Variants in KIF27 observed in about 807,000 individuals in gnomAD.
KIF27 encodes the protein kinesin-like protein KIF27.
A neutral mutation model predicts 141.8 loss-of-function variants in KIF27; 84 were observed. The observed-to-expected ratio is 0.59, with a 90% CI of 0.50 to 0.71. The LOEUF (loss-of-function observed/expected upper bound fraction) is 0.71, where lower values mean the gene tolerates loss of function less well. Among genes scored for constraint, KIF27 ranks in the 30% least tolerant of loss-of-function variants. The pLI is 0.00. For synonymous variants in KIF27, 471 were observed against 569.5 expected (o/e 0.83, Z 2.46); for missense variants, 1,306 against 1,628.4 (o/e 0.80, Z 3.41).
chr9:83,835,497 TAA>T lies in KIF27; in HGVS notation c.*1502_*1503del, dbSNP rs1945727498. ...TTTAAATAAATTTTAGTACCATGCT[TAA>T]GAGATATTTTCCTTTTTATAAGTTT... On this transcript the variant is annotated 3_prime_UTR_variant, in exon 18 of 18. Transcript: ENST00000297814. 1 of 152,108 alleles carries T rather than the reference TAA, an allele frequency of 6.6e-6. No individual in the cohort carries two copies. The highest frequency in any genetic ancestry group is 6.6e-5 in the Admixed American group (1 of 15,258). The allele number at this position is 152,108 out of a possible 1,614,324, so 9.4% of individuals were successfully genotyped here.
intron 12 of KIF27, among the ~76,000 whole-genome samples, chr9:83,870,094 T>C (rs1028966987): frequency 1.3e-5 from 2 of 152,146 alleles, no homozygotes; most frequent in African/African-American, 4.8e-5. Context: ...GCATCTAGTG[T>C]TTGAAGGTTT....
chr9:83,855,882 C>T (rs1052013092), intron 14 of KIF27, among the ~76,000 whole-genome samples: 2 of 152,274 alleles, frequency 1.3e-5, no homozygotes, highest in Non-Finnish European at 2.9e-5. Flanking sequence ...GGTTTTGGAT[C>T]TAAGTTAAGG....
chr9:83,866,842 C>G (rs1950394228), intron 13 of KIF27, among the ~76,000 whole-genome samples: 1 of 151,576 alleles, frequency 6.6e-6, no homozygotes, highest in African/African-American at 2.4e-5. Context: ...CGCCACTGCA[C>G]TCCAGTCTCA....
At chr9:83,909,554 C>T (rs1408400553) in intron 2 of KIF27, among the ~76,000 whole-genome samples, 10 of 144,906 alleles carry the variant, frequency 6.9e-5, no homozygotes, top group Admixed American at 2.2e-4. Context: ...GTGGAGGTTG[C>T]AGTGAGCTGA....
rs1395019856 is a variant in KIF27 at position 83,834,379 on chromosome 9, TTA to T, written c.*2620_*2621del. 6.6e-6 allele frequency among the ~76,000 whole-genome samples: 1 copy of T among 152,110 alleles called. No homozygotes were observed. Among genetic ancestry groups the T allele is most frequent in the Non-Finnish European group, 1.5e-5 (1 of 67,964 alleles). On this transcript the variant is annotated 3_prime_UTR_variant, in exon 18 of 18. Coordinates refer to ENST00000297814, the MANE Select transcript of KIF27 (RefSeq NM_017576.4). The stretch of plus-strand genomic sequence containing the variant: ...CAGAATATATTATTCACGACGTTAT[TTA>T]TATGTGTGTTTGCATATGTGGCATG...
chr9:83,914,236 TAAAG>T (rs547702341), intron 2 of KIF27, among the ~76,000 whole-genome samples: 1 of 151,268 alleles, frequency 6.6e-6, no homozygotes, highest in South Asian at 2.1e-4. Context: ...CCTACAATCC[TAAAG>T]AAAAGCCACA....
At chr9:83,921,137 G>A (rs1420198734) in intron 1 of KIF27, among the ~76,000 whole-genome samples, 1 of 152,038 alleles carries the variant, frequency 6.6e-6, no homozygotes, top group Non-Finnish European at 1.5e-5. Flanking sequence ...TCGCTCGCCG[G>A]CTCCCAGCCC....
chr9:83,867,832 T>C lies in KIF27; in HGVS notation c.2786A>G (p.Asp929Gly). 1 of 1,592,984 alleles carries C rather than the reference T, an allele frequency of 6.3e-7. No homozygotes were observed. The highest frequency in any genetic ancestry group is 8.5e-7 in the Non-Finnish European group (1 of 1,173,428). The stretch of plus-strand genomic sequence containing the variant: ...GTTCAGAACTTTCTCTACTTCTTCA[T>C]CTAACCATTTCTTTTGCTCATCCAA... ...QKLDEQKKWL[D>G]EEVEKVLNQR... The change falls in exon 13 of 18, where the codon GAT becomes GGT. Residue 929 changes from aspartate (D) to glycine (G), a missense_variant. By Grantham distance (94) the Asp-to-Gly change is moderately conservative. Transcript: ENST00000297814.
chr9:83,852,932 TTTTA>T (rs1170662635), intron 15 of KIF27, among the ~76,000 whole-genome samples: 1 of 152,200 alleles, frequency 6.6e-6, no homozygotes, highest in African/African-American at 2.4e-5. Flanking sequence ...AATATCAGTG[TTTTA>T]TTTTTCATTA....
In KIF27 at chr9:83,866,459, C is replaced by A. The variant is rs377382160; in HGVS notation, c.2934+1225G>T. Among the ~76,000 whole-genome samples the A allele has an allele frequency of 1.6e-4, 24 of 151,764 alleles. 1 individual carries two copies. The highest frequency in any genetic ancestry group is 1.5e-3 in the South Asian group (7 of 4,806). ...CTCATCTATTTGCTTTCCATCTTTT[C>A]TTTTTTTGTAATCTTTTGTCCTCTG... On this transcript the variant is annotated intron_variant, in intron 13 of 17. Coordinates refer to ENST00000297814, the MANE Select transcript of KIF27 (RefSeq NM_017576.4).
chr9:83,869,345 C>T (rs886172919), intron 12 of KIF27, among the ~76,000 whole-genome samples: 20 of 151,898 alleles, frequency 1.3e-4, no homozygotes, highest in African/African-American at 4.8e-4. Context: ...TTATGACTTT[C>T]TTTTTAAAAG....
rs9776332 is a variant in KIF27, at chr9:83,850,837, T to C, written c.3358-540A>G. ...CTGAATTGATGACATTTTCTTTTTT[T>C]TTTTTTTTTTTTTTTTTTTTTGAGG... is the stretch of plus-strand genomic sequence containing the variant. On this transcript the variant is annotated intron_variant, in intron 15 of 17. Transcript: ENST00000297814. 6.4e-3 allele frequency among the ~76,000 whole-genome samples: 704 copies of C among 110,314 alleles called. 21 individuals carry two copies. Among genetic ancestry groups the C allele is most frequent in the East Asian group, 0.032 (120 of 3,738 alleles). 72.4% of individuals were successfully genotyped at this position (110,314 alleles called of 152,430 possible). A position where few individuals can be genotyped will look rare whatever the true frequency, so the allele number is the denominator to read the frequency against.
At chr9:83,879,289 T>A (rs554582692) in intron 11 of KIF27, among the ~76,000 whole-genome samples, 1 of 152,120 alleles carries the variant, frequency 6.6e-6, no homozygotes, top group African/African-American at 2.4e-5. Context: ...TAAATGCTCT[T>A]TAAGTTCCCT....
At chr9:83,876,194 C>G (rs1951191861) in intron 11 of KIF27, among the ~76,000 whole-genome samples, 2 of 151,954 alleles carry the variant, frequency 1.3e-5, no homozygotes, top group African/African-American at 4.8e-5. Flanking sequence ...GATTTTTGCC[C>G]TCTTAACTTC....
chr9:83,896,905 A>G (rs1300814450), intron 5 of KIF27, among the ~76,000 whole-genome samples: 2 of 152,290 alleles, frequency 1.3e-5, no homozygotes, highest in East Asian at 1.9e-4. Flanking sequence ...GGTTTTTGCC[A>G]GGGGCTGAGG....
chr9:83,847,924 A>G (rs913507412), intron 16 of KIF27: 20 of 148,922 alleles, frequency 1.3e-4, no homozygotes, highest in African/African-American at 5.0e-4. Context: ...TCAATACTTA[A>G]TAAACTCCCC....
At chr9:83,858,423 T>C (rs1949509530) in intron 14 of KIF27, 3 of 152,118 alleles carry the variant, frequency 2.0e-5, no homozygotes, top group African/African-American at 2.4e-5. Context: ...TTGGTAATGA[T>C]GAGACACCAA....
At chr9:83,861,701 G>A (rs1270421967) in intron 13 of KIF27, among the ~76,000 whole-genome samples, 5 of 151,432 alleles carry the variant, frequency 3.3e-5, no homozygotes, top group Admixed American at 6.6e-5. Context: ...CCCAGTAATG[G>A]GATGGCTGGG....
rs1191586793 is a variant in KIF27 at position 83,915,549 on chromosome 9, G to A, written c.43C>T (p.Leu15=). 7.4e-6 allele frequency: 12 copies of A among 1,613,254 alleles called. No individual in the cohort carries two copies. The highest frequency in any genetic ancestry group is 1.0e-5 in the Non-Finnish European group (12 of 1,179,668). ...TTATGAAGAGCTTCTTTGCAAAGCA[G>A]AGGTCTAATTCTTACAGCAACTTTT... ...PVKVAVRIRP[L]LCKEALHNHQ... Residue 15 remains leucine (L), a synonymous_variant, in exon 2 of 18, where the codon CTG becomes TTG. Transcript: ENST00000297814.
Sources: allele counts gnomAD v4.1 joint callset (sites outside exome capture counted in the v4.1 genomes callset), GRCh38; gene constraint gnomAD v4.1.1; transcripts MANE v1.5; gene names NCBI Gene and HGNC (gene_info 2026-07-23, HGNC 2026-07-21).